Variants in HSPA4 observed in about 807,000 individuals in gnomAD.
The protein encoded by HSPA4 is heat shock protein family A (Hsp70) member 4.
In HSPA4, 25 loss-of-function variants were observed where a neutral mutation model predicts 106.2. That is an observed-to-expected ratio of 0.24 (90% CI 0.17 to 0.33). The LOEUF (loss-of-function observed/expected upper bound fraction) is 0.33, where lower values mean the gene tolerates loss of function less well. Ranked by LOEUF, HSPA4 falls within the 10% of genes least tolerant of loss-of-function variation. The pLI is 1.00. For missense variants in HSPA4, 841 were observed against 996.0 expected (o/e 0.84, Z 2.10); for synonymous variants, 332 against 333.6 (o/e 1.00, Z 0.05).
intron 6 of HSPA4, among the ~76,000 whole-genome samples, chr5:133,075,228 GA>G: frequency 6.6e-6 from 1 of 152,112 alleles, no homozygotes; most frequent in Non-Finnish European, 1.5e-5. Context: ...ATAAATGGTG[GA>G]CCAAATGTAA....
chr5:133,066,597 G>A (rs188932702), intron 2 of HSPA4, among the ~76,000 whole-genome samples: 2 of 151,850 alleles, frequency 1.3e-5, no homozygotes, highest in African/African-American at 2.4e-5. Flanking sequence ...TAACCATTTA[G>A]GCTGTTTCTA....
intron 16 of HSPA4, among the ~76,000 whole-genome samples, chr5:133,100,376 C>T (rs1765769582): frequency 6.6e-6 from 1 of 150,654 alleles, no homozygotes; most frequent in Non-Finnish European, 1.5e-5. Flanking sequence ...GCCAAAGCAT[C>T]TGGTTTTGTA....
Position 133,073,306 on chromosome 5 carries a change from G to A in HSPA4, c.506G>A (p.Arg169Gln), listed in dbSNP as rs754831914. ...CAGATTGCTGGTCTTAATTGCTTGC[G>A]ATTAATGAATGAAACCACTGCAGGT... Reference protein sequence around the residue: ...ATQIAGLNCLRLMNETTAVAL... With the variant: ...ATQIAGLNCLQLMNETTAVAL... Residue 169 changes from arginine (R) to glutamine (Q), a missense_variant, in exon 5 of 19, where the codon CGA becomes CAA. By Grantham distance (43) the Arg-to-Gln change is conservative. Transcript: ENST00000304858. The A allele has an allele frequency of 1.2e-6, 2 of 1,607,044 alleles. No homozygotes were observed. Among genetic ancestry groups the A allele is most frequent in the South Asian group, 1.1e-5 (1 of 90,790 alleles).
chr5:133,095,958 T>C, intron 13 of HSPA4, 140 bp from the exon 14 acceptor site: 2 of 607,010 alleles, frequency 3.3e-6, no homozygotes, highest in South Asian at 5.2e-5. Flanking sequence ...TTCTAGATGT[T>C]ATGGTAGTCC....
chr5:133,082,603 G>A (rs906973028), intron 7 of HSPA4, among the ~76,000 whole-genome samples: 3 of 151,998 alleles, frequency 2.0e-5, no homozygotes, highest in African/African-American at 7.2e-5. Context: ...GTAGATGGGA[G>A]TATAGGTGTT....
At chr5:133,063,670 T>A (rs1359418538) in intron 1 of HSPA4, among the ~76,000 whole-genome samples, 1 of 152,140 alleles carries the variant, frequency 6.6e-6, no homozygotes, top group African/African-American at 2.4e-5. Context: ...AGACCTCAGG[T>A]GATCTGCCCG....
intron 15 of HSPA4, among the ~76,000 whole-genome samples, chr5:133,097,546 TTTC>T (rs1221646754): frequency 2.8e-5 from 4 of 143,728 alleles, no homozygotes; most frequent in Middle Eastern, 7.1e-3. Flanking sequence ...TTTCTTTTCT[TTTC>T]TTTTTTTTTT....
rs143631835 is a variant in HSPA4 at position 133,052,346 on chromosome 5, C to G, written c.96C>G (p.Asp32Glu). 6.4e-7 allele frequency: 1 copy of G among 1,553,600 alleles called. No homozygotes were observed. The highest frequency in any genetic ancestry group is 8.7e-7 in the Non-Finnish European group (1 of 1,150,790). The change falls in exon 1 of 19, where the codon GAC becomes GAG. Residue 32 changes from aspartate to glutamate, a missense_variant. Asp to Glu is a conservative substitution (Grantham distance 45, BLOSUM62 2). Around this residue, in one of 5 missense-constraint regions of HSPA4, gnomAD observed 347 missense variants for 408.7 expected, o/e 0.85. Coordinates refer to ENST00000304858, the MANE Select transcript of HSPA4 (RefSeq NM_002154.4). ...AGACTATCGCTAATGAGTATAGCGA[C>G]CGCTGCACGCCGTAAGTGTGGGCCG... is the stretch of plus-strand genomic sequence containing the variant. ...GIETIANEYS[D>E]RCTPACISFG...
At chr5:133,052,542 G>A (rs911517135) in intron 1 of HSPA4, among the ~76,000 whole-genome samples, 185 bp downstream of exon 1, 1 of 152,248 alleles carries the variant, frequency 6.6e-6, no homozygotes, top group Non-Finnish European at 1.5e-5. Context: ...CTATGAGCGT[G>A]GGTGTGTGCT....
intron 1 of HSPA4, among the ~76,000 whole-genome samples, chr5:133,060,067 A>G (rs1292617683): frequency 1.2e-5 from 1 of 84,612 alleles, no homozygotes; most frequent in East Asian, 2.8e-4. Flanking sequence ...TATCAGTTTT[A>G]CTTTTTTTTT....
intron 1 of HSPA4, among the ~76,000 whole-genome samples, chr5:133,055,308 T>A (rs1386041003): frequency 2.2e-5 from 1 of 45,270 alleles, no homozygotes; most frequent in Non-Finnish European, 3.7e-5. Flanking sequence ...GGAAGGTTGA[T>A]TTTTTTTTTT....
Position 133,104,046 on chromosome 5 carries a change from T to TA in HSPA4, c.2319+22dup. 1 of 1,589,260 alleles carries TA rather than the reference T, an allele frequency of 6.3e-7. No individual in the cohort carries two copies. Among genetic ancestry groups the TA allele is most frequent in the Non-Finnish European group, 8.6e-7 (1 of 1,161,136 alleles). On this transcript the variant is annotated intron_variant, in intron 18 of 18. Coordinates refer to ENST00000304858, the MANE Select transcript of HSPA4 (RefSeq NM_002154.4). ...ATTAAGGTAATTTAAGACTTTTTTT[T>TA]AATAGTCTTTTCTTGACAGCCTTAT...
intron 6 of HSPA4, 55 bp downstream of exon 6, chr5:133,074,181 T>G: frequency 8.3e-7 from 1 of 1,208,412 alleles, no homozygotes; most frequent in Non-Finnish European, 1.2e-6. Context: ...ATTATGAAAT[T>G]TTGAGAGACA....
rs533952643 is a variant in HSPA4, at chr5:133,064,018, C to T, written c.108-962C>T. On this transcript the variant is annotated intron_variant, in intron 1 of 18. Coordinates refer to ENST00000304858, the MANE Select transcript of HSPA4 (RefSeq NM_002154.4). Reference sequence around the variant, plus strand: ...CTCAGGTGATCCGCCTGCCTCAGCCCGCCAAAGTGCTGGGATTACAGGCGT... The same window carrying T: ...CTCAGGTGATCCGCCTGCCTCAGCCTGCCAAAGTGCTGGGATTACAGGCGT... 7.9e-5 allele frequency among the ~76,000 whole-genome samples: 12 copies of T among 152,178 alleles called. No homozygotes were observed. The South Asian group carries it at 1.5e-3, about 18-fold the overall frequency.
At chr5:133,058,565 C>CTG (rs1029157130) in intron 1 of HSPA4, among the ~76,000 whole-genome samples, 37 of 151,912 alleles carry the variant, frequency 2.4e-4, no homozygotes, top group Non-Finnish European at 1.3e-4. Flanking sequence ...GTAATCCCAG[C>CTG]TGAGGATGAG....
chr5:133,099,794 C>T, intron 16 of HSPA4, 142 bp downstream of exon 16: 1 of 451,462 alleles, frequency 2.2e-6, no homozygotes, highest in East Asian at 3.2e-5. Context: ...ATGACTTAGG[C>T]TCATTATCAT....
At chr5:133,087,780 C>T (rs1431605418) in intron 8 of HSPA4, among the ~76,000 whole-genome samples, 1 of 152,104 alleles carries the variant, frequency 6.6e-6, no homozygotes, top group African/African-American at 2.4e-5. Flanking sequence ...TGCGCCACTA[C>T]TTCTGGCTAA....
In HSPA4 at chr5:133,089,586, T is replaced by C. The variant is rs1276058104; in HGVS notation, c.1269T>C (p.Asn423=). 1.2e-6 allele frequency: 2 copies of C among 1,613,308 alleles called. No individual in the cohort carries two copies. Among genetic ancestry groups the C allele is most frequent in the Non-Finnish European group, 1.7e-6 (2 of 1,179,624 alleles). Residue 423 remains asparagine, a synonymous_variant, in exon 11 of 19, where the codon AAT becomes AAC. Transcript: ENST00000304858. ...GSSDCEVFSK[N]HAAPFSKVLT... is the part of the protein sequence containing the mutation. Reference sequence around the variant, plus strand: ...GTGACTGTGAAGTCTTTTCCAAAAATCATGCTGCTCCTTTCTCTAAAGTTC... The same window carrying C: ...GTGACTGTGAAGTCTTTTCCAAAAACCATGCTGCTCCTTTCTCTAAAGTTC...
intron 17 of HSPA4, among the ~76,000 whole-genome samples, chr5:133,102,913 C>CTTTTTTTTTTT (rs533273263): frequency 0.015 from 1,499 of 103,156 alleles, 144 homozygotes; most frequent in African/African-American, 0.039. Context: ...CTAGGGTTGT[C>CTTTTTTTTTTT]TTTTTTTTTT....
Sources: allele counts gnomAD v4.1 joint callset (sites outside exome capture counted in the v4.1 genomes callset), GRCh38; gene constraint gnomAD v4.1.1; regional missense constraint gnomAD v4.1.1; transcripts MANE v1.5; gene names NCBI Gene and HGNC (gene_info 2026-07-23, HGNC 2026-07-21).